SLC20A2: variants seen among roughly 807,000 people sequenced by gnomAD.
The protein encoded by SLC20A2 is solute carrier family 20 member 2.
Under a neutral mutation model 61.0 loss-of-function variants are expected in SLC20A2, and 30 were observed. The ratio of observed to expected loss-of-function variants is 0.49; its 90% CI spans 0.37 to 0.67. The LOEUF (loss-of-function observed/expected upper bound fraction) is 0.67, where lower values mean the gene tolerates loss of function less well. SLC20A2 is among the 30% of genes least tolerant of loss of function. The probability of loss-of-function intolerance (pLI) is 0.00; values close to 1 mark genes in which losing one functional copy is unlikely to be tolerated. For synonymous variants in SLC20A2, 351 were observed against 353.3 expected (o/e 0.99, Z 0.07); for missense variants, 626 against 866.4 (o/e 0.72, Z 3.48).
intron 1 of SLC20A2, chr8:42,484,931 C>A (rs1382138090): frequency 7.4e-6 from 3 of 408,000 alleles, no homozygotes; most frequent in Non-Finnish European, 1.5e-5. Context: ...AAAAAGGCCT[C>A]CAGGCCAAGA....
chr8:42,439,263 G>A (rs1433700330), intron 7 of SLC20A2, among the ~76,000 whole-genome samples, 187 bp downstream of exon 7: 1 of 152,234 alleles, frequency 6.6e-6, no homozygotes, highest in Non-Finnish European at 1.5e-5. Context: ...GGACAAGAGT[G>A]AGCCTGCTCT....
intron 1 of SLC20A2, among the ~76,000 whole-genome samples, chr8:42,513,019 A>G (rs1217477506): frequency 1.3e-5 from 2 of 152,246 alleles, no homozygotes; most frequent in African/African-American, 2.4e-5. Context: ...ATCATTTACT[A>G]AAGTAATCTC....
intron 1 of SLC20A2, among the ~76,000 whole-genome samples, chr8:42,494,841 T>G (rs1304818462): frequency 6.6e-6 from 1 of 152,068 alleles, no homozygotes; most frequent in East Asian, 1.9e-4. Context: ...TCCAAACCAC[T>G]TAACCACTCT....
chr8:42,448,530 T>C (rs1805404727), intron 5 of SLC20A2, among the ~76,000 whole-genome samples: 1 of 152,138 alleles, frequency 6.6e-6, no homozygotes. Flanking sequence ...GCAAGACTTC[T>C]CACCCTGTGC....
intron 1 of SLC20A2, among the ~76,000 whole-genome samples, chr8:42,532,110 A>G (rs570491621): frequency 6.6e-6 from 1 of 152,078 alleles, no homozygotes; most frequent in Admixed American, 6.5e-5. Context: ...TACAGGTGTG[A>G]GCCACTGTGC....
chr8:42,498,837 A>G (rs1393670940), intron 1 of SLC20A2, among the ~76,000 whole-genome samples: 1 of 152,152 alleles, frequency 6.6e-6, no homozygotes, highest in Non-Finnish European at 1.5e-5. Context: ...AACCTGTTAC[A>G]TAGCGCAGTT....
In SLC20A2 at chr8:42,472,306, C is replaced by T; in HGVS notation, c.85G>A (p.Val29Ile). ...ILAFSVGAND[V>I]ANSFGTAVGS... ...ACGGCTGTACCAAAGGAGTTGGCAA[C>T]ATCGTTTGCACCAACAGAAAAGGCC... Residue 29 changes from valine to isoleucine, a missense_variant, in exon 2 of 11, where the codon GTT becomes ATT. Val to Ile is a conservative substitution (Grantham distance 29). Coordinates refer to ENST00000520262, the MANE Select transcript of SLC20A2 (RefSeq NM_001257180.2). The surrounding 1 kb of genome is among the most constrained non-coding windows in gnomAD (Gnocchi z 4.1). 2 of 1,614,224 alleles carry T rather than the reference C, an allele frequency of 1.2e-6. No homozygotes were observed. The highest frequency in any genetic ancestry group is 1.7e-6 in the Non-Finnish European group (2 of 1,180,036).
At chr8:42,445,828 C>T (rs1183319967) in intron 5 of SLC20A2, among the ~76,000 whole-genome samples, 1 of 152,254 alleles carries the variant, frequency 6.6e-6, no homozygotes, top group African/African-American at 2.4e-5. Flanking sequence ...AAGCTGCCAT[C>T]TGGACACTGC....
At position 42,437,598 on chromosome 8, in the gene SLC20A2, T is replaced by A. The variant is rs879009551; in HGVS notation, c.935-21A>T. The A allele has an allele frequency of 3.9e-6, 6 of 1,525,064 alleles. No homozygotes were observed. Among genetic ancestry groups the A allele is most frequent in the South Asian group, 3.8e-5 (3 of 79,982 alleles). 94.5% of individuals were successfully genotyped at this position (1,525,064 alleles called of 1,614,324 possible). A position where few individuals can be genotyped will look rare whatever the true frequency, so the allele number is the denominator to read the frequency against. On this transcript the variant is annotated intron_variant, in intron 7 of 10. Transcript: ENST00000520262. The surrounding 1 kb of genome is among the most constrained non-coding windows in gnomAD (Gnocchi z 6.4). ...TCTTCCTGAAAAGGGTTAGAGAAGG[T>A]CTCATTTTCCAGTCTTTTTTTTTTT...
At chr8:42,462,373 G>T (rs902590508) in intron 4 of SLC20A2, among the ~76,000 whole-genome samples, 1 of 152,126 alleles carries the variant, frequency 6.6e-6, no homozygotes, top group African/African-American at 2.4e-5. Context: ...AACCTGGAGG[G>T]TACGTCCCTG....
chr8:42,532,951 G>A (rs993748436), intron 1 of SLC20A2, among the ~76,000 whole-genome samples: 1 of 152,080 alleles, frequency 6.6e-6, no homozygotes, highest in African/African-American at 2.4e-5. Flanking sequence ...GGAGAAGGGA[G>A]GGAGTAGGCA....
At chr8:42,426,017 C>T (rs1461129301) in intron 10 of SLC20A2, among the ~76,000 whole-genome samples, 1 of 151,390 alleles carries the variant, frequency 6.6e-6, no homozygotes, top group African/African-American at 2.4e-5. Context: ...GCCTGGGTGA[C>T]AGAGCGAGAC....
chr8:42,492,253 G>A (rs2131317573), intron 1 of SLC20A2, among the ~76,000 whole-genome samples: 2 of 152,298 alleles, frequency 1.3e-5, no homozygotes, highest in Admixed American at 1.3e-4. Context: ...CTACGCAGGA[G>A]GCTGAGGCAA....
chr8:42,512,963 T>C (rs541341712), intron 1 of SLC20A2, among the ~76,000 whole-genome samples: 2 of 152,172 alleles, frequency 1.3e-5, no homozygotes, highest in Non-Finnish European at 2.9e-5. Context: ...AAGGAACGAA[T>C]AACACAAAAC....
intron 10 of SLC20A2, among the ~76,000 whole-genome samples, chr8:42,421,944 C>A (rs975147829): frequency 2.0e-5 from 3 of 152,146 alleles, no homozygotes; most frequent in African/African-American, 7.2e-5. Context: ...CTGCGAGGAC[C>A]TTGCCCTGCA....
At chr8:42,474,902 G>A (rs1290058539) in intron 1 of SLC20A2, among the ~76,000 whole-genome samples, 1 of 149,160 alleles carries the variant, frequency 6.7e-6, no homozygotes, top group African/African-American at 2.5e-5. Context: ...GACCTCAGAC[G>A]GCCAGAGTCA....
intron 1 of SLC20A2, among the ~76,000 whole-genome samples, chr8:42,511,903 ACC>A (rs1161901491): frequency 2.6e-5 from 4 of 152,094 alleles, no homozygotes; most frequent in Non-Finnish European, 5.9e-5. Flanking sequence ...ATAAAACCAA[ACC>A]CAGAAGGATC....
chr8:42,480,258 A>G (rs925152221), intron 1 of SLC20A2, among the ~76,000 whole-genome samples: 2 of 152,240 alleles, frequency 1.3e-5, no homozygotes, highest in African/African-American at 4.8e-5. Flanking sequence ...CTTTCAGGAA[A>G]TAAGCCCAAA....
chr8:42,436,917 G>C (rs1804311087), intron 8 of SLC20A2, 72 bp downstream of exon 8: 2 of 1,383,566 alleles, frequency 1.4e-6, no homozygotes, highest in Admixed American at 4.9e-5. Flanking sequence ...GCTGGATCCC[G>C]GCACCCGCAC....
Sources: gnomAD v4.1 joint callset for allele counts (sites outside exome capture counted in the v4.1 genomes callset) on GRCh38, gnomAD v4.1.1 for gene constraint, Gnocchi (gnomAD v3.1) non-coding constraint, MANE v1.5 for transcripts, NCBI Gene and HGNC (gene_info 2026-07-23, HGNC 2026-07-21) for gene names.